SEMA6D: variants seen among roughly 807,000 people sequenced by gnomAD.
SEMA6D encodes the protein semaphorin 6D.
Under a neutral mutation model 106.6 loss-of-function variants are expected in SEMA6D, and 35 were observed. The observed-to-expected ratio is 0.33, with a 90% CI of 0.25 to 0.44. The LOEUF (loss-of-function observed/expected upper bound fraction) is 0.44. Ranked by LOEUF, SEMA6D falls within the 20% of genes least tolerant of loss-of-function variation. The pLI is 1.00. For synonymous variants in SEMA6D, 499 were observed against 487.7 expected (o/e 1.02, Z -0.31); for missense variants, 1,185 against 1,345.9 (o/e 0.88, Z 1.87).
intron 3 of SEMA6D, among the ~76,000 whole-genome samples, chr15:47,533,573 CAGT>C (rs1319768348): frequency 1.3e-5 from 2 of 152,064 alleles, no homozygotes; most frequent in African/African-American, 4.8e-5. Context: ...GAAGTGAAGA[CAGT>C]GGAGTGACAG....
At chr15:47,215,544 A>G (rs2141277724) in intron 1 of SEMA6D, among the ~76,000 whole-genome samples, 1 of 152,304 alleles carries the variant, frequency 6.6e-6, no homozygotes, top group African/African-American at 2.4e-5. Context: ...TTAAATTCAT[A>G]GATGTATTAA....
chr15:47,594,541 G>T (rs1476401436), intron 3 of SEMA6D, among the ~76,000 whole-genome samples: 1 of 152,072 alleles, frequency 6.6e-6, no homozygotes, highest in East Asian at 1.9e-4. Context: ...GCCATTATTG[G>T]GTACCCATCA....
rs1446995449 is a variant in SEMA6D, at chr15:47,321,528, GT to G, written c.-238-90859del. On this transcript the variant is annotated intron_variant, in intron 1 of 19. Coordinates refer to the SEMA6D transcript ENST00000558014. The stretch of plus-strand genomic sequence containing the variant: ...CATGAAGAAATGATATGTAAGTTAC[GT>G]TTTTTGTCATCATTTTAATTAGAAG... Among the ~76,000 whole-genome samples the G allele has an allele frequency of 1.6e-4, 18 of 114,748 alleles. No homozygotes were observed. The East Asian group carries it at 2.4e-3, about 15-fold the overall frequency. The allele number at this position is 114,748 out of a possible 152,430, so 75.3% of individuals were successfully genotyped here.
intron 1 of SEMA6D, among the ~76,000 whole-genome samples, chr15:47,264,522 G>A (rs892345491): frequency 6.6e-6 from 1 of 151,988 alleles, no homozygotes; most frequent in Non-Finnish European, 1.5e-5. Flanking sequence ...AGCAAGGTAC[G>A]AGAATTCTCT....
chr15:47,581,586 G>A (rs1454686839), intron 3 of SEMA6D, among the ~76,000 whole-genome samples: 1 of 152,188 alleles, frequency 6.6e-6, no homozygotes, highest in African/African-American at 2.4e-5. Context: ...AGGAGTAGTG[G>A]TGGGATTTGT....
At chr15:47,290,483 T>A (rs898459387) in intron 1 of SEMA6D, among the ~76,000 whole-genome samples, 1 of 152,150 alleles carries the variant, frequency 6.6e-6, no homozygotes, top group Non-Finnish European at 1.5e-5. Flanking sequence ...GAAACAGACA[T>A]GTTTTTTAAT....
At chr15:47,417,225 TA>T (rs2040997568) in intron 2 of SEMA6D, among the ~76,000 whole-genome samples, 1 of 152,258 alleles carries the variant, frequency 6.6e-6, no homozygotes, top group African/African-American at 2.4e-5. Flanking sequence ...AGAAACATTT[TA>T]AAAGCTTGAA....
At chr15:47,420,691 A>G (rs1208346894) in intron 2 of SEMA6D, among the ~76,000 whole-genome samples, 1 of 152,114 alleles carries the variant, frequency 6.6e-6, no homozygotes, top group East Asian at 1.9e-4. Flanking sequence ...AACAATTCTA[A>G]AACCAACATC....
chr15:47,213,221 C>T (rs969326565), intron 1 of SEMA6D, among the ~76,000 whole-genome samples: 40 of 152,044 alleles, frequency 2.6e-4, no homozygotes, highest in African/African-American at 2.4e-5. Context: ...TATTTTGGAC[C>T]GCACAAATAC....
At chr15:47,542,715 T>C (rs1361068334) in intron 3 of SEMA6D, among the ~76,000 whole-genome samples, 2 of 152,170 alleles carry the variant, frequency 1.3e-5, no homozygotes, top group Non-Finnish European at 2.9e-5. Flanking sequence ...TTACAGCCAA[T>C]ACTATATAGA....
At chr15:47,415,448 C>A (rs1171203532) in intron 2 of SEMA6D, among the ~76,000 whole-genome samples, 3 of 152,212 alleles carry the variant, frequency 2.0e-5, no homozygotes, top group Admixed American at 2.0e-4. Context: ...TTCTCTAATT[C>A]TTTTCAGATG....
At chr15:47,681,477 G>A (rs996074293) in intron 4 of SEMA6D, among the ~76,000 whole-genome samples, 4 of 152,188 alleles carry the variant, frequency 2.6e-5, no homozygotes, top group African/African-American at 7.2e-5. Flanking sequence ...TGTTTAATGA[G>A]TAAAGAGTCT....
intron 1 of SEMA6D, among the ~76,000 whole-genome samples, chr15:47,332,219 G>A (rs1261325547): frequency 6.6e-6 from 1 of 152,144 alleles, no homozygotes; most frequent in Non-Finnish European, 1.5e-5. Flanking sequence ...AACACTGCCC[G>A]CTTGTTTACA....
chr15:47,581,352 C>T (rs4775699), intron 3 of SEMA6D: 229,673 of 489,640 alleles, frequency 0.47, 57,192 homozygotes, highest in Non-Finnish European at 0.52. Flanking sequence ...GGCAGAACTA[C>T]ATATAAACAA....
intron 1 of SEMA6D, among the ~76,000 whole-genome samples, chr15:47,345,383 C>T (rs890965874): frequency 1.3e-5 from 2 of 152,076 alleles, no homozygotes; most frequent in African/African-American, 2.4e-5. Context: ...CAGAATAGAA[C>T]GTGCAGAAGT....
At chr15:47,201,814 G>C (rs1226435566) in intron 1 of SEMA6D, among the ~76,000 whole-genome samples, 1 of 152,122 alleles carries the variant, frequency 6.6e-6, no homozygotes, top group Admixed American at 6.6e-5. Context: ...CAGACCACCA[G>C]TTGGTCTCTT....
chr15:47,576,750 C>T (rs1156270630), intron 3 of SEMA6D, among the ~76,000 whole-genome samples: 19 of 152,200 alleles, frequency 1.2e-4, no homozygotes, highest in Admixed American at 1.2e-3. Context: ...TTTTCTCTGG[C>T]TTGGTAAACT....
At chr15:47,496,994 T>G (rs908181548) in intron 3 of SEMA6D, among the ~76,000 whole-genome samples, 2 of 152,078 alleles carry the variant, frequency 1.3e-5, no homozygotes, top group Admixed American at 1.3e-4. Context: ...AAATCTCAAC[T>G]ATGATTTTAA....
intron 1 of SEMA6D, among the ~76,000 whole-genome samples, chr15:47,269,082 C>A (rs546567000): frequency 6.6e-6 from 1 of 152,122 alleles, no homozygotes; most frequent in South Asian, 2.1e-4. Context: ...AAATCCCAGC[C>A]ATTTTATATA....
Sources: allele counts gnomAD v4.1 joint callset (sites outside exome capture counted in the v4.1 genomes callset), GRCh38; gene constraint gnomAD v4.1.1; transcripts MANE v1.5; gene names NCBI Gene and HGNC (gene_info 2026-07-23, HGNC 2026-07-21).